Variants in AMACR observed in about 807,000 individuals in gnomAD.
AMACR encodes 2-methylacyl-CoA racemase.
In AMACR, 18 loss-of-function variants were observed where a neutral mutation model predicts 22.2. The observed-to-expected ratio is 0.81, with a 90% CI of 0.56 to 1.20. The LOEUF (loss-of-function observed/expected upper bound fraction) is 1.20. Among genes scored for constraint, AMACR ranks in the 50% most tolerant of loss-of-function variants. AMACR has a pLI of 0.00. For synonymous variants in AMACR, 213 were observed against 191.3 expected, an observed-to-expected ratio of 1.11 and a Z score of -0.94; for missense variants, 499 against 490.6, an observed-to-expected ratio of 1.02 and a Z score of -0.16.
chr5:34,004,352 T>G (rs1444698390), intron 3 of AMACR, among the ~76,000 whole-genome samples: 1 of 152,226 alleles, frequency 6.6e-6, no homozygotes, highest in African/African-American at 2.4e-5. Flanking sequence ...TCACAGAAAG[T>G]TCAGAGAACT....
intron 3 of AMACR, among the ~76,000 whole-genome samples, chr5:34,001,799 A>G (rs1753826332): frequency 6.6e-6 from 1 of 152,144 alleles, no homozygotes; most frequent in Admixed American, 6.5e-5. Flanking sequence ...GGCCCATTAG[A>G]AGGTATCTGC....
chr5:33,987,726 A>G lies in AMACR; in HGVS notation c.*1367T>C, dbSNP rs752473789. The G allele has an allele frequency of 1.3e-5, 2 of 152,264 alleles. No individual in the cohort carries two copies. The highest frequency in any genetic ancestry group is 2.9e-5 in the Non-Finnish European group (2 of 68,056). The allele number at this position is 152,264 out of a possible 1,614,324, so 9.4% of individuals were successfully genotyped here. On this transcript the variant is annotated 3_prime_UTR_variant, in exon 5 of 5. Transcript: ENST00000335606. The stretch of plus-strand genomic sequence containing the variant: ...CAGGTGAGAAGTTGCACAGTGTCCA[A>G]TAGGTGCATACATCTCCTTAGTAAG...
At chr5:34,005,663 A>C (rs1005776465) in intron 2 of AMACR, 93 bp downstream of exon 2, 3 of 1,487,612 alleles carry the variant, frequency 2.0e-6, no homozygotes, top group Admixed American at 3.8e-5. Context: ...TAAATGTTTA[A>C]ATTTTTACCT....
chr5:34,003,317 C>G (rs1753875681), intron 3 of AMACR, among the ~76,000 whole-genome samples: 1 of 152,110 alleles, frequency 6.6e-6, no homozygotes, highest in Non-Finnish European at 1.5e-5. Context: ...CTGAAAAGAC[C>G]AAAACTGAGT....
At chr5:34,000,189 T>C (rs951145930) in intron 3 of AMACR, among the ~76,000 whole-genome samples, 3 of 152,204 alleles carry the variant, frequency 2.0e-5, no homozygotes, top group Admixed American at 6.5e-5. Flanking sequence ...TGCTGACTCA[T>C]ACAAAACCAA....
At chr5:34,007,402 T>C (rs1754016049) in intron 1 of AMACR, among the ~76,000 whole-genome samples, 1 of 152,142 alleles carries the variant, frequency 6.6e-6, no homozygotes, top group African/African-American at 2.4e-5. Context: ...TGACCGCCTA[T>C]ATGCAGTTTT....
chr5:33,997,164 A>G lies in AMACR; in HGVS notation c.739+1477T>C, dbSNP rs960886381. On this transcript the variant is annotated intron_variant, in intron 4 of 4. Transcript: ENST00000335606. ...ATCCATTTTGGGGTGTTGTCTTAGC[A>G]ATTCTGCTGTTTTGTCATACCCTAT... The G allele has an allele frequency of 4.0e-6, 3 of 747,194 alleles. No homozygotes were observed. The Admixed American group carries it at 5.4e-5, about 14-fold the overall frequency. The allele number at this position is 747,194 out of a possible 1,614,324, so 46.3% of individuals were successfully genotyped here.
chr5:33,992,387 TTATATA>T (rs941318790), intron 4 of AMACR, among the ~76,000 whole-genome samples: 2 of 149,700 alleles, frequency 1.3e-5, no homozygotes, highest in Non-Finnish European at 3.0e-5. Flanking sequence ...ATTTATATAA[TTATATA>T]TATAAATTAT....
Position 34,005,834 on chromosome 5 carries a change from CATAA to C in AMACR, c.309_312del (p.Ile103MetfsTer4). On this transcript the variant is annotated frameshift_variant, in exon 2 of 5. Transcript: ENST00000335606. LOFTEE classifies it high-confidence loss of function. The stretch of plus-strand genomic sequence containing the variant: ...GACTGGCCAAATCCACTCAGCCTGG[CATAA>C]ATAAGCCTTGGATTTTCCCGCTGCA... 6.2e-7 allele frequency: 1 copy of C among 1,614,148 alleles called. No individual in the cohort carries two copies. The highest frequency in any genetic ancestry group is 8.5e-7 in the Non-Finnish European group (1 of 1,180,028).
chr5:34,005,935 T>A, intron 1 of AMACR, 36 bp from the exon 2 acceptor site: 1 of 1,611,972 alleles, frequency 6.2e-7, no homozygotes, highest in East Asian at 2.2e-5. Context: ...TAAGAGAGTA[T>A]GAATTGAGGA....
intron 3 of AMACR, among the ~76,000 whole-genome samples, chr5:33,999,622 C>T (rs1753751275): frequency 6.6e-6 from 1 of 152,198 alleles, no homozygotes; most frequent in African/African-American, 2.4e-5. Flanking sequence ...TTTTATGAGC[C>T]TAATGTCTCC....
Position 33,988,831 on chromosome 5 carries a change from C to T in AMACR, c.*262G>A. 1 of 1,316,948 alleles carries T rather than the reference C, an allele frequency of 7.6e-7. No individual in the cohort carries two copies. Among genetic ancestry groups the T allele is most frequent in the Non-Finnish European group, 9.7e-7 (1 of 1,033,234 alleles). 81.6% of individuals were successfully genotyped at this position (1,316,948 alleles called of 1,614,324 possible). A position where few individuals can be genotyped will look rare whatever the true frequency, so the allele number is the denominator to read the frequency against. Reference sequence around the variant, plus strand: ...TATAAGTCAAGAATCTTAATATCAACAAATATATCAAGCAAACTGGAAGGC... The same window carrying T: ...TATAAGTCAAGAATCTTAATATCAATAAATATATCAAGCAAACTGGAAGGC... On this transcript the variant is annotated 3_prime_UTR_variant, in exon 5 of 5. Coordinates refer to ENST00000335606, the MANE Select transcript of AMACR (RefSeq NM_014324.6).
At chr5:33,999,413 G>A (rs1475188464) in intron 3 of AMACR, among the ~76,000 whole-genome samples, 1 of 152,196 alleles carries the variant, frequency 6.6e-6, no homozygotes, top group African/African-American at 2.4e-5. Context: ...ATGGATGGCA[G>A]GTATGTGCAT....
Position 34,005,842 on chromosome 5 carries a change from A to T in AMACR, c.305T>A (p.Leu102His). The T allele has an allele frequency of 6.2e-7, 1 of 1,614,198 alleles. No individual in the cohort carries two copies. Among genetic ancestry groups the T allele is most frequent in the Non-Finnish European group, 8.5e-7 (1 of 1,180,030 alleles). ...PEILQRENPR[L>H]IYARLSGFGQ... Reference sequence around the variant, plus strand: ...AAATCCACTCAGCCTGGCATAAATAAGCCTTGGATTTTCCCGCTGCAGAAT... The same window carrying T: ...AAATCCACTCAGCCTGGCATAAATATGCCTTGGATTTTCCCGCTGCAGAAT... The change falls in exon 2 of 5, where the codon CTT becomes CAT. Residue 102 changes from leucine (L) to histidine (H), a missense_variant. Leu to His is a moderately conservative substitution (Grantham distance 99). Transcript: ENST00000335606.
chr5:33,989,545 G>C, intron 4 of AMACR, 43 bp from the exon 5 acceptor site: 1 of 1,501,824 alleles, frequency 6.7e-7, no homozygotes, highest in Non-Finnish European at 9.3e-7. Context: ...GCTTTGAACA[G>C]AGCAATTATA....
chr5:33,996,176 A>G (rs954507728), intron 4 of AMACR, among the ~76,000 whole-genome samples: 2 of 151,986 alleles, frequency 1.3e-5, no homozygotes, highest in South Asian at 4.2e-4. Context: ...TAAAAAAAAA[A>G]GGCAATATTT....
chr5:34,005,148 C>A (rs16892145), intron 2 of AMACR, among the ~76,000 whole-genome samples: 4,502 of 152,194 alleles, frequency 0.03, 218 homozygotes, highest in African/African-American at 0.1. Context: ...CAATTCTATA[C>A]CCACTTCTTT....
At chr5:34,001,136 C>T (rs771533209) in intron 3 of AMACR, among the ~76,000 whole-genome samples, 14 of 152,214 alleles carry the variant, frequency 9.2e-5, no homozygotes, top group Admixed American at 3.9e-4. Context: ...ACCATGCATG[C>T]GAGTGAAGAG....
In AMACR at chr5:34,005,812, T is replaced by C; in HGVS notation, c.335A>G (p.Gln112Arg). Residue 112 changes from glutamine (Q) to arginine (R), a missense_variant, in exon 2 of 5, where the codon CAG becomes CGG. Coordinates refer to ENST00000335606, the MANE Select transcript of AMACR (RefSeq NM_014324.6). ...LIYARLSGFG[Q>R]SGSFCRLAGH... ...AGCTAACCGGCAGAAGCTTCCTGAC[T>C]GGCCAAATCCACTCAGCCTGGCATA... 1 of 1,614,212 alleles carries C rather than the reference T, an allele frequency of 6.2e-7. No homozygotes were observed. The highest frequency in any genetic ancestry group is 1.3e-5 in the African/African-American group (1 of 75,040).
Sources: gnomAD v4.1 joint callset for allele counts (sites outside exome capture counted in the v4.1 genomes callset) on GRCh38, gnomAD v4.1.1 for gene constraint, MANE v1.5 for transcripts, NCBI Gene and HGNC (gene_info 2026-07-23, HGNC 2026-07-21) for gene names.